MALL: variants seen among roughly 807,000 people sequenced by gnomAD.
MALL encodes the protein MAL-like protein.
MALL carries 2 observed loss-of-function variants against 10.3 expected under a neutral mutation model. That is an observed-to-expected ratio of 0.19 (90% CI 0.08 to 0.61). MALL has a LOEUF of 0.61. MALL is among the 20% of genes least tolerant of loss of function. The pLI is 0.88. For synonymous variants in MALL, 27 were observed against 51.8 expected, an observed-to-expected ratio of 0.52 and a Z score of 2.05; for missense variants, 39 against 115.2, an observed-to-expected ratio of 0.34 and a Z score of 3.03.
intron 1 of MALL, among the ~76,000 whole-genome samples, chr2:110,098,676 G>A (rs372988219): frequency 1.3e-5 from 2 of 152,060 alleles, no homozygotes; most frequent in Middle Eastern, 3.2e-3. Context: ...CTATGACCAC[G>A]AGTGTCCAAA....
At chr2:110,117,624 T>TGTGTGAGA (rs1292836050), upstream of MALL, among the ~76,000 whole-genome samples, 1 of 122,718 alleles carries the variant, frequency 8.1e-6, no homozygotes, top group Non-Finnish European at 1.7e-5. Context: ...TGTGTGTGTG[T>TGTGTGAGA]GAGAGAGAGA....
At chr2:110,113,987 CA>C (rs1183288631) in intron 1 of MALL, among the ~76,000 whole-genome samples, 1 of 152,076 alleles carries the variant, frequency 6.6e-6, no homozygotes, top group African/African-American at 2.4e-5. Context: ...TCACCCCCCA[CA>C]ACACGTAAGG....
intron 1 of MALL, among the ~76,000 whole-genome samples, chr2:110,109,407 A>G (rs920442746): frequency 6.6e-6 from 1 of 152,152 alleles, no homozygotes; most frequent in African/African-American, 2.4e-5. Context: ...AGCTATTCTT[A>G]TATCAGATAA....
chr2:110,103,755 T>G (rs1678629293), intron 1 of MALL, among the ~76,000 whole-genome samples: 1 of 152,174 alleles, frequency 6.6e-6, no homozygotes. Flanking sequence ...TGTGCTTGGT[T>G]GCCTGTCTTG....
At chr2:110,110,598 T>C (rs1239168743) in intron 1 of MALL, among the ~76,000 whole-genome samples, 1 of 151,866 alleles carries the variant, frequency 6.6e-6, no homozygotes, top group Admixed American at 6.5e-5. Flanking sequence ...ACAAAAAAAG[T>C]CCAAGAACGG....
chr2:110,096,972 T>C (rs1294642445), intron 1 of MALL, among the ~76,000 whole-genome samples: 2 of 152,122 alleles, frequency 1.3e-5, no homozygotes, highest in Non-Finnish European at 2.9e-5. Context: ...ATATAAAAGT[T>C]GTTTATTGCA....
chr2:110,117,624 TGAGAGA>T (rs70958730), upstream of MALL, among the ~76,000 whole-genome samples: 9,736 of 122,286 alleles, frequency 0.08, 439 homozygotes, highest in Non-Finnish European at 0.11. Flanking sequence ...TGTGTGTGTG[TGAGAGA>T]GAGAGAGAGA....
chr2:110,117,308 C>T (rs1574040394), upstream of MALL, among the ~76,000 whole-genome samples: 2 of 152,046 alleles, frequency 1.3e-5, no homozygotes, highest in African/African-American at 2.4e-5. Context: ...TGTAGGATAC[C>T]TTTGACTTGC....
At chr2:110,099,811 G>A (rs1214462069) in intron 1 of MALL, among the ~76,000 whole-genome samples, 2 of 152,132 alleles carry the variant, frequency 1.3e-5, no homozygotes, top group African/African-American at 2.4e-5. Context: ...CTGGAGCTAT[G>A]AAATGGAGGA....
intron 1 of MALL, among the ~76,000 whole-genome samples, chr2:110,104,030 C>T (rs1678634330): frequency 1.3e-5 from 2 of 151,748 alleles, no homozygotes; most frequent in African/African-American, 4.8e-5. Flanking sequence ...TTTTCCAGGC[C>T]TTGCCATTGT....
intron 1 of MALL, among the ~76,000 whole-genome samples, chr2:110,113,261 C>T (rs1678843647): frequency 6.6e-6 from 1 of 151,284 alleles, no homozygotes; most frequent in Non-Finnish European, 1.5e-5. Context: ...CAGTGAAACC[C>T]CGTCTCTACT....
At chr2:110,111,686 C>T (rs1487744439) in intron 1 of MALL, among the ~76,000 whole-genome samples, 1 of 151,894 alleles carries the variant, frequency 6.6e-6, no homozygotes, top group Admixed American at 6.6e-5. Context: ...TCAATGCAAT[C>T]CCCATCAGAA....
rs542839116 is a variant in MALL at position 110,101,972 on chromosome 2, C to T, written c.106-10202G>A. Among the ~76,000 whole-genome samples, 5 of 152,114 alleles carry T rather than the reference C, an allele frequency of 3.3e-5. No homozygotes were observed. The East Asian group carries it at 7.7e-4, about 24-fold the overall frequency. ...AAGGCATCCTGCTCCCACCGCGGCCCGGTGGCTGGGCTTCCCCACTCTCCC... is the reference window on the plus strand; with the variant it reads ...AAGGCATCCTGCTCCCACCGCGGCCTGGTGGCTGGGCTTCCCCACTCTCCC... On this transcript the variant is annotated intron_variant, in intron 1 of 3. Coordinates refer to ENST00000272462, the MANE Select transcript of MALL (RefSeq NM_005434.5).
At chr2:110,095,174 A>C (rs1395239488) in intron 1 of MALL, among the ~76,000 whole-genome samples, 2 of 152,114 alleles carry the variant, frequency 1.3e-5, no homozygotes, top group African/African-American at 4.8e-5. Flanking sequence ...CAGTTGTGAA[A>C]ACTTTGAGTA....
intron 1 of MALL, among the ~76,000 whole-genome samples, chr2:110,101,515 G>T (rs557701346): frequency 6.6e-6 from 1 of 152,132 alleles, no homozygotes; most frequent in Non-Finnish European, 1.5e-5. Context: ...GGGAACTCGC[G>T]TCCGCAGCTG....
chr2:110,103,221 C>T (rs2165055), intron 1 of MALL, among the ~76,000 whole-genome samples: 146,923 of 152,146 alleles, frequency 0.97, 71,153 homozygotes, highest in Middle Eastern at 1. Flanking sequence ...CTGTGGAACG[C>T]GGTACAAGGG....
chr2:110,115,625 G>T, intron 1 of MALL, 63 bp downstream of exon 1: 4 of 961,100 alleles, frequency 4.2e-6, no homozygotes, highest in Non-Finnish European at 5.5e-6. Context: ...GTCCGGTCTG[G>T]GTCCGAGGCC....
chr2:110,101,431 A>C (rs764111302), intron 1 of MALL, among the ~76,000 whole-genome samples: 4 of 152,172 alleles, frequency 2.6e-5, no homozygotes, highest in Admixed American at 6.5e-5. Context: ...CAGGCCCCTA[A>C]GGCCTCCAGT....
intron 1 of MALL, among the ~76,000 whole-genome samples, chr2:110,109,399 C>A (rs1257160577): frequency 1.3e-5 from 2 of 152,040 alleles, no homozygotes; most frequent in Non-Finnish European, 2.9e-5. Flanking sequence ...GCAGGGGTAG[C>A]TATTCTTATA....
Sources: allele counts gnomAD v4.1 joint callset (sites outside exome capture counted in the v4.1 genomes callset), GRCh38; gene constraint gnomAD v4.1.1; transcripts MANE v1.5; gene names NCBI Gene and HGNC (gene_info 2026-07-23, HGNC 2026-07-21).